SDHAF2: variants seen among roughly 807,000 people sequenced by gnomAD.
SDHAF2 encodes succinate dehydrogenase assembly factor 2, mitochondrial.
In SDHAF2, 21 loss-of-function variants were observed where a neutral mutation model predicts 18.5. The ratio of observed to expected loss-of-function variants is 1.13; its 90% CI spans 0.80 to 1.63. The LOEUF (loss-of-function observed/expected upper bound fraction) is 1.63. Among genes scored for constraint, SDHAF2 ranks in the 40% most tolerant of loss-of-function variants. The pLI is 0.00. For synonymous variants in SDHAF2, 84 were observed against 70.7 expected (o/e 1.19, Z -0.94); for missense variants, 195 against 200.3 (o/e 0.97, Z 0.16).
chr11:61,431,263 TC>T (rs1294640560), intron 1 of SDHAF2: 1 of 152,262 alleles, frequency 6.6e-6, no homozygotes, highest in Non-Finnish European at 1.5e-5. Context: ...CTTAAGGTGA[TC>T]CGTCCTTCTC....
chr11:61,438,064 C>T lies in SDHAF2; in HGVS notation c.321C>T (p.Arg107=), dbSNP rs754291669. ...AAAAGCAGCTGAACCTCTATGACCGCCTGATTAACGAGCCTAGTAATGACT... is the reference window on the plus strand; with the variant it reads ...AAAAGCAGCTGAACCTCTATGACCGTCTGATTAACGAGCCTAGTAATGACT... ...MTEKQLNLYD[R]LINEPSNDWD... The change falls in exon 3 of 4, where the codon CGC becomes CGT. Residue 107 remains arginine, a synonymous_variant. Coordinates refer to ENST00000301761, the MANE Select transcript of SDHAF2 (RefSeq NM_017841.4). 4 of 1,614,070 alleles carry T rather than the reference C, an allele frequency of 2.5e-6. No individual in the cohort carries two copies. In the South Asian group the frequency reaches 4.4e-5, roughly 18 times the overall value.
At chr11:61,445,884 A>G (rs1862130975) in intron 3 of SDHAF2, 57 bp from the exon 4 acceptor site, 1 of 1,604,548 alleles carries the variant, frequency 6.2e-7, no homozygotes, top group African/African-American at 1.3e-5. Context: ...TAAGATTCTC[A>G]TACCTGAGCA....
chr11:61,446,495 G>A lies in SDHAF2; in HGVS notation c.*424G>A, dbSNP rs1238686473. ...GCAGCTCCCCGCCCTCAGTGGCCCA[G>A]GGCTTTGTTGAAGTGGAACTCCCCA... is the stretch of plus-strand genomic sequence containing the variant. On this transcript the variant is annotated 3_prime_UTR_variant, in exon 4 of 4. Coordinates refer to ENST00000301761, the MANE Select transcript of SDHAF2 (RefSeq NM_017841.4). 1 of 503,806 alleles carries A rather than the reference G, an allele frequency of 2.0e-6. No individual in the cohort carries two copies. The highest frequency in any genetic ancestry group is 3.5e-6 in the Non-Finnish European group (1 of 287,812). 31.2% of individuals were successfully genotyped at this position (503,806 alleles called of 1,614,324 possible). A position where few individuals can be genotyped will look rare whatever the true frequency, so the allele number is the denominator to read the frequency against.
intron 1 of SDHAF2, chr11:61,435,800 A>G (rs963234675): frequency 6.6e-6 from 1 of 152,204 alleles, no homozygotes; most frequent in East Asian, 1.9e-4. Flanking sequence ...CAAGACAGAA[A>G]CCAGTCCCTC....
intron 1 of SDHAF2, chr11:61,432,857 C>T (rs760838083): frequency 1.3e-5 from 2 of 152,018 alleles, no homozygotes; most frequent in African/African-American, 2.4e-5. Context: ...TCTTTTATGA[C>T]CCCCTTGTAT....
chr11:61,442,443 C>G (rs1192814120), intron 3 of SDHAF2, among the ~76,000 whole-genome samples: 1 of 152,124 alleles, frequency 6.6e-6, no homozygotes, highest in Non-Finnish European at 1.5e-5. Context: ...TCTGCTGTAT[C>G]TTTGTTCCTT....
chr11:61,440,370 C>T (rs1462072529), intron 3 of SDHAF2, among the ~76,000 whole-genome samples: 3 of 152,012 alleles, frequency 2.0e-5, no homozygotes, highest in South Asian at 2.1e-4. Flanking sequence ...GAGGTCGAGG[C>T]GGGTGGATCA....
Position 61,445,964 on chromosome 11 carries a change from T to C in SDHAF2, c.394T>C (p.Phe132Leu), listed in dbSNP as rs1862132011. The change falls in exon 4 of 4, where the codon TTT becomes CTT. Residue 132 changes from phenylalanine (F) to leucine (L), a missense_variant. Transcript: ENST00000301761. ...ATEAKPAPEI[F>L]ENEVMALLRD... ...AGAAGCTAAACCAGCCCCAGAAATA[T>C]TTGAAAATGAAGTCATGGCCCTGCT... The C allele has an allele frequency of 6.2e-7, 1 of 1,614,166 alleles. No individual in the cohort carries two copies. The highest frequency in any genetic ancestry group is 1.6e-4 in the Middle Eastern group (1 of 6,062).
chr11:61,440,460 G>A (rs574051547), intron 3 of SDHAF2, among the ~76,000 whole-genome samples: 1 of 152,010 alleles, frequency 6.6e-6, no homozygotes, highest in African/African-American at 2.4e-5. Context: ...AATTAGCTGG[G>A]TGTGGTGGCG....
chr11:61,440,689 T>C (rs1357114603), intron 3 of SDHAF2, among the ~76,000 whole-genome samples: 1 of 152,184 alleles, frequency 6.6e-6, no homozygotes, highest in Non-Finnish European at 1.5e-5. Context: ...TAAATATAGA[T>C]AGTAAATACA....
intron 1 of SDHAF2, chr11:61,436,235 CA>C (rs974662079): frequency 6.5e-6 from 1 of 153,256 alleles, no homozygotes; most frequent in African/African-American, 2.4e-5. Flanking sequence ...TCTGGATCAG[CA>C]GCAGGCCACC....
chr11:61,441,769 G>A (rs553914515), intron 3 of SDHAF2, among the ~76,000 whole-genome samples: 39 of 152,110 alleles, frequency 2.6e-4, no homozygotes, highest in Non-Finnish European at 4.0e-4. Flanking sequence ...CATCACTATA[G>A]TTTTAATTGG....
intron 3 of SDHAF2, among the ~76,000 whole-genome samples, chr11:61,442,649 AC>A (rs1215555159): frequency 6.6e-6 from 1 of 151,576 alleles, no homozygotes; most frequent in Non-Finnish European, 1.5e-5. Flanking sequence ...CTCAGCTGTT[AC>A]CCCTTCAGCT....
Position 61,446,134 on chromosome 11 carries a change from TTA to T in SDHAF2, c.*64_*65del, listed in dbSNP as rs1291964611. The T allele has an allele frequency of 1.3e-6, 2 of 1,599,022 alleles. No individual in the cohort carries two copies. Among genetic ancestry groups the T allele is most frequent in the African/African-American group, 2.7e-5 (2 of 74,672 alleles). ...GGATGGTAACTACTTATGATGGACG[TTA>T]GCCTTGCTTCCGGCTTCTTAGATGC... On this transcript the variant is annotated 3_prime_UTR_variant, in exon 4 of 4. Coordinates refer to ENST00000301761, the MANE Select transcript of SDHAF2 (RefSeq NM_017841.4).
intron 2 of SDHAF2, 23 bp downstream of exon 2, chr11:61,437,871 T>C (rs112606325): frequency 0.017 from 27,835 of 1,607,046 alleles, 308 homozygotes; most frequent in Middle Eastern, 0.033. Context: ...GAGTCTTTTT[T>C]TTTAAATCGG....
chr11:61,440,188 C>T (rs1356787460), intron 3 of SDHAF2, among the ~76,000 whole-genome samples: 3 of 151,954 alleles, frequency 2.0e-5, no homozygotes, highest in East Asian at 1.9e-4. Context: ...GGTGGTGCGC[C>T]CAGCTACTCT....
chr11:61,436,697 TGCA>T, intron 1 of SDHAF2: 1 of 393,654 alleles, frequency 2.5e-6, no homozygotes, highest in Non-Finnish European at 5.0e-6. Flanking sequence ...CTGGATTCGA[TGCA>T]GCTGGTTTTG....
At chr11:61,439,635 A>G (rs570419115) in intron 3 of SDHAF2, among the ~76,000 whole-genome samples, 2 of 152,340 alleles carry the variant, frequency 1.3e-5, no homozygotes, top group South Asian at 4.1e-4. Flanking sequence ...GAAGAGTGAT[A>G]AGACAGAGTC....
At chr11:61,438,445 C>T (rs980408708) in intron 3 of SDHAF2, 56 of 367,464 alleles carry the variant, frequency 1.5e-4, no homozygotes, top group Non-Finnish European at 2.1e-4. Context: ...GTGATCCGCC[C>T]GCCTCGGCCT....
Sources: gnomAD v4.1 joint callset for allele counts (sites outside exome capture counted in the v4.1 genomes callset) on GRCh38, gnomAD v4.1.1 for gene constraint, MANE v1.5 for transcripts, NCBI Gene and HGNC (gene_info 2026-07-23, HGNC 2026-07-21) for gene names.